Variants in AHI1 observed in about 807,000 individuals in gnomAD.
The protein encoded by AHI1 is jouberin.
A neutral mutation model predicts 149.3 loss-of-function variants in AHI1; 123 were observed. The ratio of observed to expected loss-of-function variants is 0.82; its 90% CI spans 0.71 to 0.96. AHI1 has a LOEUF of 0.96. Ranked by LOEUF, AHI1 falls within the 40% of genes least tolerant of loss-of-function variation. AHI1 has a pLI of 0.00. For missense variants in AHI1, 1,439 were observed against 1,422.7 expected (o/e 1.01, Z -0.18); for synonymous variants, 475 against 459.8 (o/e 1.03, Z -0.42).
At chr6:135,351,892 A>AT (rs1792169903) in intron 24 of AHI1, among the ~76,000 whole-genome samples, 1 of 152,154 alleles carries the variant, frequency 6.6e-6, no homozygotes, top group African/African-American at 2.4e-5. Flanking sequence ...TTGGATATCC[A>AT]TTGTGAAGAA....
At chr6:135,373,908 A>G (rs1387508932) in intron 23 of AHI1, among the ~76,000 whole-genome samples, 2 of 151,876 alleles carry the variant, frequency 1.3e-5, no homozygotes, top group African/African-American at 2.4e-5. Flanking sequence ...GTTTCGGGCA[A>G]TATGATACCT....
At chr6:135,417,224 A>T (rs1782507265) in intron 20 of AHI1, among the ~76,000 whole-genome samples, 1 of 152,116 alleles carries the variant, frequency 6.6e-6, no homozygotes, top group Admixed American at 6.6e-5. Flanking sequence ...TGCTGCTATG[A>T]ATGGAAAATA....
chr6:135,302,772 G>A (rs1378506284), intron 26 of AHI1: 1 of 1,288,780 alleles, frequency 7.8e-7, no homozygotes, highest in Admixed American at 2.3e-5. Flanking sequence ...GGCAGAAGCA[G>A]GGGGAAGAAG....
intron 24 of AHI1, among the ~76,000 whole-genome samples, chr6:135,339,463 A>G (rs1449134583): frequency 6.6e-6 from 1 of 152,210 alleles, no homozygotes; most frequent in East Asian, 1.9e-4. Context: ...GTATACATGT[A>G]CCTCACCAAA....
chr6:135,322,831 G>T lies in AHI1; in HGVS notation c.3328+331C>A, dbSNP rs181583923. Among the ~76,000 whole-genome samples, 1,435 of 152,312 alleles carry T rather than the reference G, an allele frequency of 9.4e-3. 11 individuals are homozygous for T. Among genetic ancestry groups the T allele is most frequent in the Non-Finnish European group, 0.015 (1,019 of 68,036 alleles). On this transcript the variant is annotated intron_variant, in intron 25 of 28. Transcript: ENST00000265602. ...TCTTAAGATGCCAGTCAGCTGAGGA[G>T]GCACTGTGGCTAGAGAAGAACTGAC...
chr6:135,369,057 G>T (rs1359220025), intron 23 of AHI1, among the ~76,000 whole-genome samples: 1 of 152,226 alleles, frequency 6.6e-6, no homozygotes, highest in African/African-American at 2.4e-5. Flanking sequence ...AGGAATGCAG[G>T]AATGGCTTCC....
At chr6:135,449,197 T>A (rs1210387015) in intron 11 of AHI1, among the ~76,000 whole-genome samples, 1 of 152,016 alleles carries the variant, frequency 6.6e-6, no homozygotes, top group East Asian at 1.9e-4. Context: ...TACAGGTGCA[T>A]GCCACCACAC....
At chr6:135,484,846 T>G (rs1316006858) in intron 5 of AHI1, among the ~76,000 whole-genome samples, 2 of 152,146 alleles carry the variant, frequency 1.3e-5, no homozygotes, top group Non-Finnish European at 2.9e-5. Flanking sequence ...AATGCTGTCT[T>G]TATTTGGGAG....
At chr6:135,492,477 A>T in intron 3 of AHI1, 186 bp from the exon 4 acceptor site, 7 of 1,214,668 alleles carry the variant, frequency 5.8e-6, no homozygotes, top group Non-Finnish European at 7.2e-6. Context: ...TTAGGGCTCT[A>T]AAATCAAGGG....
Position 135,466,142 on chromosome 6 carries a change from G to C in AHI1, c.421C>G (p.Leu141Val). 3 of 1,613,832 alleles carry C rather than the reference G, an allele frequency of 1.9e-6. No homozygotes were observed. Among genetic ancestry groups the C allele is most frequent in the Non-Finnish European group, 2.5e-6 (3 of 1,179,838 alleles). ...KTVPQLTTQD[L>V]KPETPENKVD... ...TTATTCTCAGGAGTTTCCGGTTTCAGGTCTTGTGTAGTCAACTGGGGCACC... is the reference window on the plus strand; with the variant it reads ...TTATTCTCAGGAGTTTCCGGTTTCACGTCTTGTGTAGTCAACTGGGGCACC... The change falls in exon 7 of 29, where the codon CTG (leucine) becomes GTG (valine). Residue 141 changes from leucine to valine, a missense_variant. Physicochemically the swap from Leu to Val is conservative, Grantham distance 32 (BLOSUM62 1). Coordinates refer to ENST00000265602, the MANE Select transcript of AHI1 (RefSeq NM_001134831.2).
Position 135,338,113 on chromosome 6 carries a change from C to T in AHI1, c.3166-14789G>A, listed in dbSNP as rs139767310. Among the ~76,000 whole-genome samples, 611 of 152,024 alleles carry T rather than the reference C, an allele frequency of 4.0e-3. 1 individual carries two copies. The highest frequency in any genetic ancestry group is 0.014 in the African/African-American group (586 of 41,490). The stretch of plus-strand genomic sequence containing the variant: ...AGGAGTTCGAGACCAGCCTGGCCAA[C>T]GTGGTGAAGCCCTGTCTCTACTAAT... On this transcript the variant is annotated intron_variant, in intron 24 of 28. Transcript: ENST00000265602.
intron 23 of AHI1, among the ~76,000 whole-genome samples, chr6:135,379,540 A>ACC (rs1448234056): frequency 3.9e-5 from 6 of 152,144 alleles, no homozygotes; most frequent in Non-Finnish European, 5.9e-5. Flanking sequence ...TATCATCTGC[A>ACC]TTCTCTAGTA....
intron 5 of AHI1, among the ~76,000 whole-genome samples, chr6:135,481,599 C>A (rs1044963183): frequency 2.6e-5 from 4 of 151,436 alleles, no homozygotes; most frequent in Admixed American, 2.0e-4. Context: ...TATAAAATAT[C>A]TTTTAAAGAG....
At chr6:135,344,941 C>CACACACAT in intron 24 of AHI1, among the ~76,000 whole-genome samples, 1 of 150,948 alleles carries the variant, frequency 6.6e-6, no homozygotes, top group African/African-American at 2.4e-5. Context: ...CACACACACA[C>CACACACAT]ACACACACAC....
Position 135,431,286 on chromosome 6 carries a change from T to C in AHI1, c.2295A>G (p.Thr765=), listed in dbSNP as rs1171943827. The C allele has an allele frequency of 2.5e-6, 4 of 1,607,106 alleles. No homozygotes were observed. In the African/African-American group the frequency reaches 5.3e-5, roughly 21 times the overall value. ...EGHHMYSGDC[T]GVIVVWNTYV... Reference sequence around the variant, plus strand: ...AGGTATTCCAAACAACAATCACCCCTGTACAATCTCCTGAATACATATGAT... The same window carrying C: ...AGGTATTCCAAACAACAATCACCCCCGTACAATCTCCTGAATACATATGAT... The change falls in exon 17 of 29, where the codon ACA becomes ACG. Residue 765 remains threonine (T), a synonymous_variant. Transcript: ENST00000265602.
intron 23 of AHI1, chr6:135,387,784 T>C: frequency 4.7e-6 from 6 of 1,267,308 alleles, no homozygotes; most frequent in Non-Finnish European, 6.0e-6. Flanking sequence ...AAGCCTCCCA[T>C]AACCTCATAC....
At chr6:135,477,128 C>G (rs1792799719) in intron 5 of AHI1, among the ~76,000 whole-genome samples, 1 of 150,794 alleles carries the variant, frequency 6.6e-6, no homozygotes, top group Admixed American at 6.6e-5. Flanking sequence ...GCAAGCTCCA[C>G]CTCCCGGGTT....
intron 24 of AHI1, among the ~76,000 whole-genome samples, chr6:135,336,592 T>C (rs1789426031): frequency 6.6e-6 from 1 of 152,206 alleles, no homozygotes; most frequent in South Asian, 2.1e-4. Flanking sequence ...AGTGAGACCC[T>C]GCCTTTACAA....
chr6:135,342,611 C>A (rs956881630), intron 24 of AHI1, among the ~76,000 whole-genome samples: 4 of 151,736 alleles, frequency 2.6e-5, no homozygotes, highest in African/African-American at 9.7e-5. Context: ...ACCAATGTAA[C>A]AGACCATATT....
Sources: gnomAD v4.1 joint callset for allele counts (sites outside exome capture counted in the v4.1 genomes callset) on GRCh38, gnomAD v4.1.1 for gene constraint, MANE v1.5 for transcripts, NCBI Gene and HGNC (gene_info 2026-07-23, HGNC 2026-07-21) for gene names.